The following USH2A variants were observed in gnomAD, a reference collection of about 807,000 sequenced individuals.
USH2A encodes the protein usherin, also known as Usher syndrome 2A (autosomal recessive, mild).
Under a neutral mutation model 538.9 loss-of-function variants are expected in USH2A, and 443 were observed. The ratio of observed to expected loss-of-function variants is 0.82; its 90% CI spans 0.76 to 0.89. The LOEUF is 0.89. Among genes scored for constraint, USH2A ranks in the 40% least tolerant of loss-of-function variants. The probability of loss-of-function intolerance (pLI) is 0.00; values close to 1 mark genes in which losing one functional copy is unlikely to be tolerated. For missense variants in USH2A, 6,633 were observed against 6,324.8 expected (o/e 1.05, Z -1.65); for synonymous variants, 2,413 against 2,273.5 (o/e 1.06, Z -1.75).
At chr1:215,901,904 A>G (rs1230597046) in intron 38 of USH2A, among the ~76,000 whole-genome samples, 1 of 152,182 alleles carries the variant, frequency 6.6e-6, no homozygotes, top group Non-Finnish European at 1.5e-5. Context: ...AATGACTCCG[A>G]GCCTATATTT....
intron 44 of USH2A, among the ~76,000 whole-genome samples, chr1:215,855,769 C>T (rs560522694): frequency 6.6e-6 from 1 of 152,092 alleles, no homozygotes; most frequent in Non-Finnish European, 1.5e-5. Flanking sequence ...GGTAACACAT[C>T]ACCTGACCTC....
At chr1:216,204,953 G>C (rs1469762808) in intron 16 of USH2A, among the ~76,000 whole-genome samples, 1 of 152,136 alleles carries the variant, frequency 6.6e-6, no homozygotes, top group Non-Finnish European at 1.5e-5. Flanking sequence ...TTATATAAAT[G>C]TCTGATTAGT....
chr1:216,101,552 T>G lies in USH2A; in HGVS notation c.4628-4339A>C, dbSNP rs182943616. Among the ~76,000 whole-genome samples, 285 of 152,294 alleles carry G rather than the reference T, an allele frequency of 1.9e-3. 1 individual carries two copies. The highest frequency in any genetic ancestry group is 3.0e-3 in the Non-Finnish European group (203 of 68,022). On this transcript the variant is annotated intron_variant, in intron 21 of 71. Coordinates refer to ENST00000307340, the MANE Select transcript of USH2A (RefSeq NM_206933.4). ...CCTCTGCCTCATGAATGTGTTATCA[T>G]CCTGGGCCCAGGAATAAGAAGAGCT... is the stretch of plus-strand genomic sequence containing the variant.
chr1:215,941,947 C>G (rs1215956907), intron 37 of USH2A, among the ~76,000 whole-genome samples: 1 of 152,046 alleles, frequency 6.6e-6, no homozygotes, highest in Non-Finnish European at 1.5e-5. Flanking sequence ...ATGGTATCAC[C>G]ACGAACTTAG....
At chr1:215,981,719 C>T (rs1667756653) in intron 35 of USH2A, among the ~76,000 whole-genome samples, 1 of 152,148 alleles carries the variant, frequency 6.6e-6, no homozygotes, top group Admixed American at 6.5e-5. Flanking sequence ...AGCACCAAAC[C>T]TTATTGTCAA....
Position 215,728,417 on chromosome 1 carries a change from G to A in USH2A, c.11712-33C>T, listed in dbSNP as rs781775842. 1.9e-6 allele frequency: 3 copies of A among 1,601,244 alleles called. No individual in the cohort carries two copies. The South Asian group carries it at 3.3e-5, about 18-fold the overall frequency. ...GAAACCAAGCAGGCAACCAGTGACA[G>A]CTGCACACTTCAAAACAAAGTTTGT... is the stretch of plus-strand genomic sequence containing the variant. On this transcript the variant is annotated intron_variant, in intron 60 of 71. Coordinates refer to ENST00000307340, the MANE Select transcript of USH2A (RefSeq NM_206933.4).
chr1:215,830,196 T>C (rs1023480386), intron 47 of USH2A, among the ~76,000 whole-genome samples: 6 of 152,116 alleles, frequency 3.9e-5, no homozygotes, highest in African/African-American at 1.4e-4. Context: ...CTAGAGAAAG[T>C]AAATTTTTTC....
Position 216,133,245 on chromosome 1 carries a change from T to C in USH2A, c.4628-36032A>G, listed in dbSNP as rs9661935. Among the ~76,000 whole-genome samples, 659 of 152,224 alleles carry C rather than the reference T, an allele frequency of 4.3e-3. 1 individual carries two copies. The highest frequency in any genetic ancestry group is 0.015 in the African/African-American group (633 of 41,546). ...AATATTTTCTAAATATATTTGAACA[T>C]TTTAAATATATTTTGTTTTTAGGCC... On this transcript the variant is annotated intron_variant, in intron 21 of 71. Transcript: ENST00000307340.
chr1:216,389,340 T>A (rs1183601023), intron 3 of USH2A, among the ~76,000 whole-genome samples: 1 of 152,176 alleles, frequency 6.6e-6, no homozygotes. Flanking sequence ...TGTAGACAAA[T>A]GACAGATCAC....
chr1:215,849,674 C>A (rs1663966433), intron 44 of USH2A, among the ~76,000 whole-genome samples: 2 of 151,964 alleles, frequency 1.3e-5, no homozygotes, highest in South Asian at 4.1e-4. Flanking sequence ...CAAACATAGA[C>A]ATATCATGGA....
At chr1:215,836,464 T>A (rs1207705031) in intron 47 of USH2A, among the ~76,000 whole-genome samples, 1 of 27,916 alleles carries the variant, frequency 3.6e-5, no homozygotes, top group East Asian at 8.7e-4. Flanking sequence ...TGTATATATA[T>A]TATATATATA....
At position 216,196,633 on chromosome 1, in the gene USH2A, T is replaced by C; in HGVS notation, c.4171A>G (p.Arg1391Gly). 1 of 1,613,624 alleles carries C rather than the reference T, an allele frequency of 6.2e-7. No individual in the cohort carries two copies. The highest frequency in any genetic ancestry group is 8.5e-7 in the Non-Finnish European group (1 of 1,179,716). ...ATGTCATACCCCACAACTTTTCCTC[T>C]TGTAACATTATCTGCTGGCTTCTCC... is the stretch of plus-strand genomic sequence containing the variant. The part of the protein sequence containing the change: ...SWEKPADNVT[R>G]GKVVGYDINM... Residue 1391 changes from arginine (R) to glycine (G), a missense_variant, in exon 19 of 72, where the codon AGA becomes GGA. Coordinates refer to ENST00000307340, the MANE Select transcript of USH2A (RefSeq NM_206933.4).
chr1:215,678,207 T>C (rs1048607063), intron 62 of USH2A, among the ~76,000 whole-genome samples: 1 of 152,206 alleles, frequency 6.6e-6, no homozygotes, highest in African/African-American at 2.4e-5. Context: ...GAGTGATTTT[T>C]AAAAACGTAA....
At position 216,324,352 on chromosome 1, in the gene USH2A, C is replaced by T. The variant is rs750651679; in HGVS notation, c.1144G>A (p.Val382Met). The T allele has an allele frequency of 6.2e-6, 10 of 1,608,608 alleles. No homozygotes were observed. Among genetic ancestry groups the T allele is most frequent in the Non-Finnish European group, 8.5e-6 (10 of 1,176,694 alleles). The part of the protein sequence containing the change: ...SVDLENGQYQ[V>M]FYIIIQFFSP... ...AAGAACTGAATGATAATATAAAACA[C>T]CTGAAAATGGAAAGTTAATTAATGT... Residue 382 changes from valine to methionine, a missense_variant and splice_region_variant, in exon 7 of 72, where the codon GTG becomes ATG. Physicochemically the swap from Val to Met is conservative, Grantham distance 21. Transcript: ENST00000307340.
intron 64 of USH2A, among the ~76,000 whole-genome samples, chr1:215,662,387 G>T (rs1258218065): frequency 1.3e-5 from 2 of 152,154 alleles, no homozygotes; most frequent in Non-Finnish European, 2.9e-5. Flanking sequence ...TCTGCAAGAG[G>T]GTGAGAACCA....
intron 11 of USH2A, among the ~76,000 whole-genome samples, chr1:216,277,762 A>T (rs1352901249): frequency 2.0e-5 from 3 of 152,172 alleles, no homozygotes; most frequent in Admixed American, 6.6e-5. Context: ...CAATGATAGC[A>T]GAAGCGACAC....
intron 21 of USH2A, among the ~76,000 whole-genome samples, chr1:216,156,964 C>G (rs764043186): frequency 2.6e-5 from 4 of 151,686 alleles, no homozygotes; most frequent in Non-Finnish European, 5.9e-5. Flanking sequence ...ACCCCTGCCT[C>G]CTGGGTTCAA....
intron 47 of USH2A, among the ~76,000 whole-genome samples, chr1:215,817,698 C>A (rs1043047723): frequency 6.6e-6 from 1 of 151,996 alleles, no homozygotes; most frequent in African/African-American, 2.4e-5. Context: ...TTTTCTCTTT[C>A]TTTCCGCTAA....
At chr1:216,154,595 C>CAGAT (rs1163293674) in intron 21 of USH2A, among the ~76,000 whole-genome samples, 1 of 152,162 alleles carries the variant, frequency 6.6e-6, no homozygotes, top group Non-Finnish European at 1.5e-5. Flanking sequence ...TATGTTTTGA[C>CAGAT]AGATGTACAC....
Sources: allele counts gnomAD v4.1 joint callset (sites outside exome capture counted in the v4.1 genomes callset), GRCh38; gene constraint gnomAD v4.1.1; transcripts MANE v1.5; gene names NCBI Gene and HGNC (gene_info 2026-07-23, HGNC 2026-07-21).